SLC5A9: variants seen among roughly 807,000 people sequenced by gnomAD.
SLC5A9 encodes the protein solute carrier family 5 member 9.
SLC5A9 carries 59 observed loss-of-function variants against 70.9 expected under a neutral mutation model. That is an observed-to-expected ratio of 0.83 (90% CI 0.68 to 1.03). SLC5A9 has a LOEUF of 1.03. Among genes scored for constraint, SLC5A9 ranks in the 50% least tolerant of loss-of-function variants. The pLI is 0.00. For missense variants in SLC5A9, 832 were observed against 881.1 expected, an observed-to-expected ratio of 0.94 and a Z score of 0.71; for synonymous variants, 340 against 346.5, an observed-to-expected ratio of 0.98 and a Z score of 0.21.
chr1:48,245,781 C>A (rs756342718), intron 13 of SLC5A9, among the ~76,000 whole-genome samples: 32 of 151,852 alleles, frequency 2.1e-4, no homozygotes, highest in Non-Finnish European at 2.4e-4. Flanking sequence ...GGCAACATGG[C>A]AAAACCCCAT....
chr1:48,236,861 G>A (rs1644334052), intron 10 of SLC5A9, among the ~76,000 whole-genome samples: 1 of 152,198 alleles, frequency 6.6e-6, no homozygotes, highest in South Asian at 2.1e-4. Context: ...AAAGAGGAGG[G>A]GGATGAGCAG....
rs1336133091 is a variant in SLC5A9 at position 48,247,242 on chromosome 1, C to T, written c.1838-93C>T. 4 of 1,172,184 alleles carry T rather than the reference C, an allele frequency of 3.4e-6. No individual in the cohort carries two copies. The African/African-American group carries it at 4.6e-5, about 13-fold the overall frequency. 72.6% of individuals were successfully genotyped at this position (1,172,184 alleles called of 1,614,324 possible). A position where few individuals can be genotyped will look rare whatever the true frequency, so the allele number is the denominator to read the frequency against. On this transcript the variant is annotated intron_variant, in intron 13 of 13. Coordinates refer to ENST00000438567, the MANE Select transcript of SLC5A9 (RefSeq NM_001011547.3). Reference sequence around the variant, plus strand: ...TTTCCATCAGTATCTCACCATCTCTCTCCCTCCCCTACTCTCCTATCACTT... The same window carrying T: ...TTTCCATCAGTATCTCACCATCTCTTTCCCTCCCCTACTCTCCTATCACTT...
Position 48,232,254 on chromosome 1 carries a change from G to T in SLC5A9, c.897+103G>T, listed in dbSNP as rs189168173. 3.7e-5 allele frequency: 57 copies of T among 1,554,904 alleles called. No homozygotes were observed. In the African/African-American group the frequency reaches 7.0e-4, roughly 19 times the overall value. On this transcript the variant is annotated intron_variant, in intron 7 of 13. Transcript: ENST00000438567. ...CATAGAGGGTTGGACCTCATTCTGG[G>T]ATTGTGACTGGACTGGAGTAGGGAC... is the stretch of plus-strand genomic sequence containing the variant.
intron 3 of SLC5A9, 76 bp from the exon 4 acceptor site, chr1:48,229,219 C>T (rs1557469610): frequency 6.2e-7 from 1 of 1,614,134 alleles, no homozygotes; most frequent in South Asian, 1.1e-5. Context: ...CAGCACAGCA[C>T]TGCCTCTGGG....
chr1:48,241,025 T>G (rs1644384680), intron 12 of SLC5A9: 1 of 152,262 alleles, frequency 6.6e-6, no homozygotes, highest in African/African-American at 2.4e-5. Context: ...ATGAAATATT[T>G]CTCCCCTAGG....
At chr1:48,246,137 T>TA (rs1193563239) in intron 13 of SLC5A9, among the ~76,000 whole-genome samples, 3 of 152,148 alleles carry the variant, frequency 2.0e-5, no homozygotes, top group African/African-American at 7.2e-5. Flanking sequence ...CATATGAATT[T>TA]AAATATGAAG....
chr1:48,229,193 G>C lies in SLC5A9; in HGVS notation c.340-102G>C, dbSNP rs558612472. ...CAGGTCCCAGGTCTCTTATTTCTCT[G>C]TTCGGGGGCCTCCCACAGCACAGCA... On this transcript the variant is annotated intron_variant, in intron 3 of 13. Coordinates refer to ENST00000438567, the MANE Select transcript of SLC5A9 (RefSeq NM_001011547.3). The C allele has an allele frequency of 4.3e-6, 7 of 1,614,126 alleles. No individual in the cohort carries two copies. In the South Asian group the frequency reaches 7.7e-5, roughly 18 times the overall value.
At chr1:48,241,422 A>G (rs1319772026) in intron 12 of SLC5A9, among the ~76,000 whole-genome samples, 2 of 152,214 alleles carry the variant, frequency 1.3e-5, no homozygotes, top group African/African-American at 4.8e-5. Flanking sequence ...GCTTGGGCCC[A>G]GCACAGTGGA....
chr1:48,228,489 C>G (rs572963543), intron 2 of SLC5A9: 47 of 226,198 alleles, frequency 2.1e-4, no homozygotes, highest in African/African-American at 1.0e-3. Flanking sequence ...TGGGGCTTCC[C>G]TATCCCCTTC....
In SLC5A9 at chr1:48,234,358, C is replaced by A. The variant is rs148172142; in HGVS notation, c.1141+596C>A. On this transcript the variant is annotated intron_variant, in intron 9 of 13. Coordinates refer to ENST00000438567, the MANE Select transcript of SLC5A9 (RefSeq NM_001011547.3). ...CCAAGCCTTGTTCTAGAGCAGAGCG[C>A]TGGGACACTGCGGGGTTTTGGTCAG... is the stretch of plus-strand genomic sequence containing the variant. 5.1e-3 allele frequency among the ~76,000 whole-genome samples: 777 copies of A among 152,298 alleles called. 11 individuals are homozygous for A. Among genetic ancestry groups the A allele is most frequent in the African/African-American group, 0.017 (721 of 41,554 alleles).
At position 48,242,580 on chromosome 1, in the gene SLC5A9, G is replaced by T. The variant is rs745820385; in HGVS notation, c.1801G>T (p.Ala601Ser). ...AGECPAGGGA[A>S]ENSSLGQEQP... ...GGAGTGCCCTGCAGGAGGTGGAGCG[G>T]CAGAGAACTCGAGCCTGGGCCAGGA... Residue 601 changes from alanine to serine, a missense_variant, in exon 13 of 14, where the codon GCA (alanine) becomes TCA (serine). By Grantham distance (99) the Ala-to-Ser change is moderately conservative. Transcript: ENST00000438567. The T allele has an allele frequency of 1.2e-6, 2 of 1,612,770 alleles. No homozygotes were observed. Among genetic ancestry groups the T allele is most frequent in the Non-Finnish European group, 1.7e-6 (2 of 1,179,444 alleles).
intron 2 of SLC5A9, chr1:48,228,619 G>A: frequency 1.6e-6 from 1 of 606,920 alleles, no homozygotes; most frequent in Non-Finnish European, 2.7e-6. Flanking sequence ...CTCACTGGGT[G>A]ACCTGGAGCC....
At chr1:48,229,701 A>G (rs957642301) in intron 4 of SLC5A9, 1 of 553,162 alleles carries the variant, frequency 1.8e-6, no homozygotes, top group Non-Finnish European at 3.0e-6. Context: ...TCCAGAGTTC[A>G]TTCATTTATT....
intron 13 of SLC5A9, among the ~76,000 whole-genome samples, chr1:48,243,744 C>T (rs776122894): frequency 1.1e-4 from 16 of 151,816 alleles, no homozygotes; most frequent in Non-Finnish European, 1.9e-4. Flanking sequence ...AAAAAAAAGG[C>T]GTCCCAGGAA....
chr1:48,229,209 C>T (rs1210908669), intron 3 of SLC5A9, 86 bp from the exon 4 acceptor site: 2 of 1,614,156 alleles, frequency 1.2e-6, no homozygotes, highest in Non-Finnish European at 1.7e-6. Context: ...GGGCCTCCCA[C>T]AGCACAGCAC....
intron 2 of SLC5A9, among the ~76,000 whole-genome samples, chr1:48,227,196 C>CTGTG (rs34445433): frequency 1.4e-5 from 2 of 141,608 alleles, no homozygotes; most frequent in Non-Finnish European, 3.0e-5. Flanking sequence ...TGTACTGTGC[C>CTGTG]TGTGTGTGAG....
Position 48,222,892 on chromosome 1 carries a change from G to T in SLC5A9, c.156G>T (p.Gly52=), listed in dbSNP as rs753605814. The change falls in exon 1 of 14, where the codon GGG becomes GGT. Residue 52 remains glycine (G), a synonymous_variant. Coordinates refer to ENST00000438567, the MANE Select transcript of SLC5A9 (RefSeq NM_001011547.3). ...ACTTTGTCTTCGTCATTGCTGTGGG[G>T]ATCTGGGTAAGTGGGCCCTGAGGCT... ...VIYFVFVIAV[G]IWSSIRASRG... is the part of the protein sequence containing the mutation. The T allele has an allele frequency of 2.5e-6, 4 of 1,614,018 alleles. No individual in the cohort carries two copies. The highest frequency in any genetic ancestry group is 3.4e-6 in the Non-Finnish European group (4 of 1,179,952).
At chr1:48,236,431 C>T (rs1331173195) in intron 10 of SLC5A9, among the ~76,000 whole-genome samples, 1 of 152,160 alleles carries the variant, frequency 6.6e-6, no homozygotes, top group African/African-American at 2.4e-5. Flanking sequence ...CATAGGAGGG[C>T]TCTCTCCAAA....
intron 8 of SLC5A9, among the ~76,000 whole-genome samples, chr1:48,233,297 G>T (rs1644279724): frequency 7.0e-6 from 1 of 141,932 alleles, no homozygotes; most frequent in African/African-American, 2.6e-5. Flanking sequence ...GGAGGTGGAG[G>T]TTGTAGTGAG....
Sources: gnomAD v4.1 joint callset for allele counts (sites outside exome capture counted in the v4.1 genomes callset) on GRCh38, gnomAD v4.1.1 for gene constraint, MANE v1.5 for transcripts, NCBI Gene and HGNC (gene_info 2026-07-23, HGNC 2026-07-21) for gene names.